INTS6: variants seen among roughly 807,000 people sequenced by gnomAD.
INTS6 encodes the protein DEAD box protein.
A neutral mutation model predicts 104.9 loss-of-function variants in INTS6; 16 were observed. That is an observed-to-expected ratio of 0.15 (90% CI 0.10 to 0.23). INTS6 has a LOEUF of 0.23. Ranked by LOEUF, INTS6 falls within the 10% of genes least tolerant of loss-of-function variation. The pLI, the probability that INTS6 is intolerant of heterozygous loss-of-function variation, is 1.00. For missense variants in INTS6, 584 were observed against 1,062.8 expected (o/e 0.55, Z 6.26); for synonymous variants, 324 against 358.7 (o/e 0.90, Z 1.09).
chr13:51,415,310 CT>C (rs1415800038), intron 4 of INTS6, among the ~76,000 whole-genome samples: 1 of 152,126 alleles, frequency 6.6e-6, no homozygotes, highest in Non-Finnish European at 1.5e-5. Flanking sequence ...ACATTTACTT[CT>C]TTCTCTTTTA....
At chr13:51,413,318 T>C (rs767190156) in intron 4 of INTS6, among the ~76,000 whole-genome samples, 4 of 152,222 alleles carry the variant, frequency 2.6e-5, no homozygotes, top group Non-Finnish European at 5.9e-5. Flanking sequence ...CCATATCCCA[T>C]TTAAAATTCA....
downstream of INTS6, among the ~76,000 whole-genome samples, chr13:51,358,383 G>GT (rs1955513700): frequency 6.6e-6 from 1 of 152,156 alleles, no homozygotes; most frequent in South Asian, 2.1e-4. Context: ...ACAACGTCAT[G>GT]TTTTGAAGAC....
intron 4 of INTS6, among the ~76,000 whole-genome samples, chr13:51,417,572 A>C (rs1268763785): frequency 2.7e-5 from 4 of 148,748 alleles, no homozygotes; most frequent in Non-Finnish European, 5.9e-5. Context: ...CTCCTGTCTC[A>C]GCCTCCCGAG....
At chr13:51,367,694 C>A in intron 17 of INTS6, 111 bp downstream of exon 17, 1 of 597,110 alleles carries the variant, frequency 1.7e-6, no homozygotes, top group South Asian at 2.2e-5. Flanking sequence ...GTTGGTATGC[C>A]ATATACATTT....
intron 3 of INTS6, among the ~76,000 whole-genome samples, chr13:51,434,034 C>T (rs1957143443): frequency 6.6e-6 from 1 of 152,194 alleles, no homozygotes. Flanking sequence ...TTCTGTACCA[C>T]CTGGAGGTCC....
downstream of INTS6, among the ~76,000 whole-genome samples, chr13:51,359,818 TCA>T (rs1366241565): frequency 6.6e-6 from 1 of 152,088 alleles, no homozygotes; most frequent in Non-Finnish European, 1.5e-5. Context: ...GCACTGCATT[TCA>T]GTTTGCTTAA....
intron 4 of INTS6, among the ~76,000 whole-genome samples, chr13:51,428,850 T>A (rs1388178978): frequency 6.6e-6 from 1 of 152,192 alleles, no homozygotes. Context: ...ATGAATTATA[T>A]CCTAAATTCC....
At position 51,452,869 on chromosome 13, in the gene INTS6, G is replaced by C. The variant is rs1953096568; in HGVS notation, c.-344C>G. On this transcript the variant is annotated 5_prime_UTR_variant, in exon 1 of 18. Coordinates refer to ENST00000311234, the MANE Select transcript of INTS6 (RefSeq NM_012141.3). This position sits in a 1 kb window ranked among gnomAD's most constrained non-coding sequence, Gnocchi z 4.2. ...CTGTGTGTGTCCCAGCGGGAGACGG[G>C]CCTGGCTCCCCACCCCACCCCCGGT... The C allele has an allele frequency of 2.6e-6, 3 of 1,134,014 alleles. No individual in the cohort carries two copies. The highest frequency in any genetic ancestry group is 9.0e-5 in the East Asian group (1 of 11,142). The allele number at this position is 1,134,014 out of a possible 1,614,324, so 70.2% of individuals were successfully genotyped here.
rs200899765 is a variant in INTS6, at chr13:51,415,123, G to GT, written c.429+15170dup. On this transcript the variant is annotated intron_variant, in intron 4 of 17. Coordinates refer to ENST00000311234, the MANE Select transcript of INTS6 (RefSeq NM_012141.3). ...ACTTAATACCCTGACAAGTATGAGA[G>GT]TTTTTTTTTTTAAAGGAAAGGATGT... 1.5e-3 allele frequency among the ~76,000 whole-genome samples: 218 copies of GT among 144,860 alleles called. 1 individual carries two copies. Among genetic ancestry groups the GT allele is most frequent in the African/African-American group, 1.5e-3 (58 of 39,826 alleles).
At chr13:51,431,484 GAAC>G (rs1250830765) in intron 3 of INTS6, among the ~76,000 whole-genome samples, 3 of 152,066 alleles carry the variant, frequency 2.0e-5, no homozygotes, top group African/African-American at 7.2e-5. Context: ...ACCATACTTA[GAAC>G]AACAAGAATG....
chr13:51,346,995 C>T, the INTS6 span: 34 of 1,518,442 alleles, frequency 2.2e-5, no homozygotes, highest in Non-Finnish European at 3.0e-5. Context: ...GCACATTTAA[C>T]CCATGGCCAC....
intron 3 of INTS6, among the ~76,000 whole-genome samples, chr13:51,433,861 A>T (rs1289991618): frequency 6.6e-6 from 1 of 152,220 alleles, no homozygotes; most frequent in African/African-American, 2.4e-5. Context: ...CATTACTGCT[A>T]TCGTCTTGAT....
In INTS6 at chr13:51,452,150, C is replaced by T. The variant is rs560344281; in HGVS notation, c.112-95G>A. ...GGGCGCCCAGCGGCCCCGCCGCCCC[C>T]ACAGTACCGCACACGCAGCGGCCAC... is the stretch of plus-strand genomic sequence containing the variant. On this transcript the variant is annotated intron_variant, in intron 1 of 17. Transcript: ENST00000311234. This position sits in a 1 kb window ranked among gnomAD's most constrained non-coding sequence, Gnocchi z 4.2. The T allele has an allele frequency of 4.0e-5, 45 of 1,127,696 alleles. 2 individuals carry two copies. In the South Asian group the frequency reaches 4.7e-4, roughly 12 times the overall value. The allele number at this position is 1,127,696 out of a possible 1,614,324, so 69.9% of individuals were successfully genotyped here. A position where few individuals can be genotyped will look rare whatever the true frequency, so the allele number is the denominator to read the frequency against.
At chr13:51,441,674 G>A (rs1952799252) in intron 3 of INTS6, 1 of 152,104 alleles carries the variant, frequency 6.6e-6, no homozygotes, top group Non-Finnish European at 1.5e-5. Flanking sequence ...ATATTAACTA[G>A]CTACACATCA....
At chr13:51,357,673 CCA>C (rs1336334985), downstream of INTS6, among the ~76,000 whole-genome samples, 4 of 151,994 alleles carry the variant, frequency 2.6e-5, no homozygotes, top group Non-Finnish European at 4.4e-5. Flanking sequence ...TAGTTCCCCC[CCA>C]GTCTCCTTGA....
chr13:51,342,588 G>T, the INTS6 span, among the ~76,000 whole-genome samples: 1 of 152,150 alleles, frequency 6.6e-6, no homozygotes, highest in Non-Finnish European at 1.5e-5. Context: ...GCAGAGAAAA[G>T]ATTTCACACA....
intron 4 of INTS6, among the ~76,000 whole-genome samples, chr13:51,416,132 T>C (rs1236050332): frequency 6.6e-6 from 1 of 152,148 alleles, no homozygotes; most frequent in Non-Finnish European, 1.5e-5. Flanking sequence ...CAGACTGTAA[T>C]AGATTTAAAA....
Position 51,452,267 on chromosome 13 carries a change from G to C in INTS6, c.111+148C>G. On this transcript the variant is annotated intron_variant, in intron 1 of 17. Coordinates refer to ENST00000311234, the MANE Select transcript of INTS6 (RefSeq NM_012141.3). This position sits in a 1 kb window ranked among gnomAD's most constrained non-coding sequence, Gnocchi z 4.2. ...CGGCCGAACCCGGCTCGCAGCGCCC[G>C]CCCGCCCGCGCGGTGGGGGAGGGGG... 2.3e-6 allele frequency: 2 copies of C among 866,928 alleles called. No individual in the cohort carries two copies. The highest frequency in any genetic ancestry group is 3.0e-6 in the Non-Finnish European group (2 of 676,950). The allele number at this position is 866,928 out of a possible 1,614,324, so 53.7% of individuals were successfully genotyped here.
intron 4 of INTS6, among the ~76,000 whole-genome samples, chr13:51,418,357 T>C (rs918912951): frequency 6.6e-6 from 1 of 152,144 alleles, no homozygotes; most frequent in Non-Finnish European, 1.5e-5. Context: ...GCTTTTTCTT[T>C]AGTATATTTC....
Sources: gnomAD v4.1 joint callset for allele counts (sites outside exome capture counted in the v4.1 genomes callset) on GRCh38, gnomAD v4.1.1 for gene constraint, Gnocchi (gnomAD v3.1) non-coding constraint, MANE v1.5 for transcripts, NCBI Gene and HGNC (gene_info 2026-07-23, HGNC 2026-07-21) for gene names.